Variants in FBXW10 observed in about 807,000 individuals in gnomAD.
FBXW10 encodes the protein F-box and WD repeat domain containing 10, also known as F-box/WD repeat-containing protein 10.
Under a neutral mutation model 113.1 loss-of-function variants are expected in FBXW10, and 68 were observed. The ratio of observed to expected loss-of-function variants is 0.60; its 90% CI spans 0.49 to 0.74. The LOEUF is 0.74. Ranked by LOEUF, FBXW10 falls within the 30% of genes least tolerant of loss-of-function variation. The pLI, the probability that FBXW10 is intolerant of heterozygous loss-of-function variation, is 0.00. For synonymous variants in FBXW10, 289 were observed against 481.6 expected, an observed-to-expected ratio of 0.60 and a Z score of 5.24; for missense variants, 753 against 1,284.5, an observed-to-expected ratio of 0.59 and a Z score of 6.32.
At chr17:18,778,121 C>T (rs187476268) in intron 13 of FBXW10, among the ~76,000 whole-genome samples, 2,391 of 151,932 alleles carry the variant, frequency 0.016, 53 homozygotes, top group African/African-American at 0.055. Context: ...GGCATGGTGG[C>T]GGACGCCTGT....
intron 13 of FBXW10, among the ~76,000 whole-genome samples, chr17:18,777,586 C>T (rs2035725883): frequency 2.0e-5 from 3 of 151,476 alleles, no homozygotes; most frequent in Admixed American, 2.0e-4. Flanking sequence ...CTCTGTCGCC[C>T]AGGCTGGAGT....
At chr17:18,765,754 G>A (rs2035484946) in intron 8 of FBXW10, among the ~76,000 whole-genome samples, 1 of 151,898 alleles carries the variant, frequency 6.6e-6, no homozygotes, top group African/African-American at 2.4e-5. Flanking sequence ...TTGAGATGGA[G>A]TCTTGCTCTG....
In FBXW10 at chr17:18,747,990, C is replaced by T; in HGVS notation, c.555C>T (p.His185=). The part of the protein sequence containing the change: ...TDVCFSPEKD[H]SSKSATSQVY... ...TGTGTTTTTCCCCTGAGAAAGACCA[C>T]AGCTCCAAGTCTGCGACCTCACAAG... Residue 185 remains histidine, a synonymous_variant, in exon 2 of 14, where the codon CAC becomes CAT. Transcript: ENST00000395665. 1 of 1,613,876 alleles carries T rather than the reference C, an allele frequency of 6.2e-7. No homozygotes were observed. Among genetic ancestry groups the T allele is most frequent in the Non-Finnish European group, 8.5e-7 (1 of 1,179,866 alleles).
chr17:18,751,477 G>C (rs1394295116), intron 5 of FBXW10, among the ~76,000 whole-genome samples: 3 of 152,048 alleles, frequency 2.0e-5, no homozygotes, highest in Non-Finnish European at 4.4e-5. Flanking sequence ...TGATCCTCCC[G>C]CCTCGGCCTC....
intron 7 of FBXW10, among the ~76,000 whole-genome samples, chr17:18,759,306 AG>A (rs1294130063): frequency 6.6e-6 from 1 of 152,204 alleles, no homozygotes. Context: ...CCTGCCAACC[AG>A]AGGTAATATT....
Position 18,744,433 on chromosome 17 carries a change from G to C in FBXW10, c.189G>C (p.Gln63His), listed in dbSNP as rs2151780248. ...GGTTTCTAGTTGGCATTCTGAAGCAGTTAAATAGCTTATATTTGTTACACT... is the reference window on the plus strand; with the variant it reads ...GGTTTCTAGTTGGCATTCTGAAGCACTTAAATAGCTTATATTTGTTACACT... ...QRRFLVGILKQLNSLYLLHYF... is the reference protein window; with the variant it reads ...QRRFLVGILKHLNSLYLLHYF... The change falls in exon 1 of 14, where the codon CAG (glutamine) becomes CAC (histidine). Residue 63 changes from glutamine (Q) to histidine (H), a missense_variant. Transcript: ENST00000395665. The C allele has an allele frequency of 6.2e-7, 1 of 1,613,742 alleles. No individual in the cohort carries two copies. Among genetic ancestry groups the C allele is most frequent in the Middle Eastern group, 1.7e-4 (1 of 6,056 alleles).
rs2035631544 is a variant in FBXW10 at position 18,772,391 on chromosome 17, AC to A, written c.2007-18del. The A allele has an allele frequency of 6.2e-7, 1 of 1,608,200 alleles. No homozygotes were observed. The highest frequency in any genetic ancestry group is 8.5e-7 in the Non-Finnish European group (1 of 1,176,920). On this transcript the variant is annotated intron_variant, in intron 11 of 13. Coordinates refer to ENST00000395665, the MANE Select transcript of FBXW10 (RefSeq NM_001267585.2). ...GGCCTCCACAGTCCTTTTGTGGACA[AC>A]CCTGTTGTTTCGGTTCCAGGATGGT...
rs543505125 is a variant in FBXW10, at chr17:18,758,655, G to A, written c.1433+150G>A. Reference sequence around the variant, plus strand: ...ATACCTTCAGCTTTTTTTTGGCAAGGAAAAAGTCAGGAATGTATATATTGC... The same window carrying A: ...ATACCTTCAGCTTTTTTTTGGCAAGAAAAAAGTCAGGAATGTATATATTGC... On this transcript the variant is annotated intron_variant, in intron 7 of 13. Coordinates refer to ENST00000395665, the MANE Select transcript of FBXW10 (RefSeq NM_001267585.2). 12 of 424,814 alleles carry A rather than the reference G, an allele frequency of 2.8e-5. 1 individual carries two copies. The East Asian group carries it at 4.8e-4, about 17-fold the overall frequency. The allele number at this position is 424,814 out of a possible 1,614,324, so 26.3% of individuals were successfully genotyped here.
intron 11 of FBXW10, among the ~76,000 whole-genome samples, chr17:18,771,118 C>G (rs977941380): frequency 2.4e-4 from 30 of 123,842 alleles, no homozygotes; most frequent in African/African-American, 9.5e-4. Flanking sequence ...AAAAAAAAAA[C>G]AAAACAAAAC....
At chr17:18,771,454 G>A (rs1217415801) in intron 11 of FBXW10, among the ~76,000 whole-genome samples, 2 of 152,148 alleles carry the variant, frequency 1.3e-5, no homozygotes, top group Non-Finnish European at 2.9e-5. Context: ...AAGGGGACAG[G>A]GAGGGCAAGT....
chr17:18,747,509 C>T (rs2035060503), intron 1 of FBXW10, among the ~76,000 whole-genome samples: 1 of 152,024 alleles, frequency 6.6e-6, no homozygotes, highest in Non-Finnish European at 1.5e-5. Context: ...TGAGCCAAGA[C>T]CGAGCCATTG....
intron 13 of FBXW10, among the ~76,000 whole-genome samples, chr17:18,778,254 A>G (rs976183682): frequency 2.6e-5 from 4 of 152,208 alleles, no homozygotes; most frequent in African/African-American, 9.6e-5. Context: ...CTCCGTCTCA[A>G]AAACAAAAAC....
At chr17:18,764,332 G>A (rs1275201166) in intron 7 of FBXW10, among the ~76,000 whole-genome samples, 2 of 151,370 alleles carry the variant, frequency 1.3e-5, no homozygotes, top group Admixed American at 6.6e-5. Context: ...CTCCTGAGTA[G>A]CTGGGACTAC....
At chr17:18,746,511 T>C (rs1368234538) in intron 1 of FBXW10, among the ~76,000 whole-genome samples, 3 of 152,154 alleles carry the variant, frequency 2.0e-5, no homozygotes, top group Non-Finnish European at 4.4e-5. Context: ...TAAAGCTGGA[T>C]GGCCTAGGAC....
intron 13 of FBXW10, among the ~76,000 whole-genome samples, chr17:18,775,855 C>G (rs117869831): frequency 5.9e-5 from 9 of 152,008 alleles, no homozygotes; most frequent in African/African-American, 1.9e-4. Flanking sequence ...TAGCAAGACC[C>G]TTGTCTCTAC....
chr17:18,778,115 T>C (rs2035735872), intron 13 of FBXW10, among the ~76,000 whole-genome samples: 2 of 151,814 alleles, frequency 1.3e-5, no homozygotes, highest in Admixed American at 6.6e-5. Flanking sequence ...TAGCCAGGCA[T>C]GGTGGCGGAC....
intron 13 of FBXW10, among the ~76,000 whole-genome samples, chr17:18,777,990 C>T (rs1567627373): frequency 1.3e-5 from 2 of 151,694 alleles, no homozygotes; most frequent in Admixed American, 1.3e-4. Flanking sequence ...GTGGCTCATG[C>T]CTGTAATCCC....
In FBXW10 at chr17:18,747,988, C is replaced by G. The variant is rs1567614305; in HGVS notation, c.553C>G (p.His185Asp). The change falls in exon 2 of 14, where the codon CAC (histidine) becomes GAC (aspartate). Residue 185 changes from histidine to aspartate, a missense_variant. Physicochemically the swap from His to Asp is moderately conservative, Grantham distance 81. Transcript: ENST00000395665. ...TDVCFSPEKD[H>D]SSKSATSQVY... is the part of the protein sequence containing the mutation. The stretch of plus-strand genomic sequence containing the variant: ...TGTGTGTTTTTCCCCTGAGAAAGAC[C>G]ACAGCTCCAAGTCTGCGACCTCACA... 5.0e-6 allele frequency: 8 copies of G among 1,613,800 alleles called. No individual in the cohort carries two copies. The highest frequency in any genetic ancestry group is 1.3e-5 in the African/African-American group (1 of 74,980).
At chr17:18,763,372 G>A (rs1001614296) in intron 7 of FBXW10, among the ~76,000 whole-genome samples, 18 of 152,078 alleles carry the variant, frequency 1.2e-4, no homozygotes, top group African/African-American at 4.3e-4. Context: ...TAGCCAGGAT[G>A]GTCTCGATCT....
Sources: allele counts gnomAD v4.1 joint callset (sites outside exome capture counted in the v4.1 genomes callset), GRCh38; gene constraint gnomAD v4.1.1; transcripts MANE v1.5; gene names NCBI Gene and HGNC (gene_info 2026-07-23, HGNC 2026-07-21).